Variants in CEP63 observed in about 807,000 individuals in gnomAD.
CEP63 encodes centrosomal protein of 63 kDa.
A neutral mutation model predicts 89.1 loss-of-function variants in CEP63; 84 were observed. The observed-to-expected ratio is 0.94, with a 90% CI of 0.79 to 1.13. The LOEUF (loss-of-function observed/expected upper bound fraction) is 1.13. Ranked by LOEUF, CEP63 falls within the 50% of genes most tolerant of loss-of-function variation. The pLI is 0.00. For synonymous variants in CEP63, 267 were observed against 272.5 expected (o/e 0.98, Z 0.20); for missense variants, 838 against 813.3 (o/e 1.03, Z -0.37).
the CEP63 span, among the ~76,000 whole-genome samples, chr3:134,694,807 T>C: frequency 6.6e-5 from 10 of 152,358 alleles, no homozygotes; most frequent in East Asian, 5.8e-4. Context: ...AACAAGTTTT[T>C]CTTTCTCAGC....
chr3:134,501,490 T>A (rs1407265208), intron 2 of CEP63, among the ~76,000 whole-genome samples: 1 of 152,238 alleles, frequency 6.6e-6, no homozygotes, highest in African/African-American at 2.4e-5. Flanking sequence ...TTTGTTTATG[T>A]CATCTGTGAT....
intron 9 of CEP63, among the ~76,000 whole-genome samples, chr3:134,547,888 C>T (rs1050168226): frequency 6.6e-6 from 1 of 152,080 alleles, no homozygotes; most frequent in Admixed American, 6.6e-5. Flanking sequence ...GGATTACAGG[C>T]ATGAGTCACC....
chr3:134,577,197 G>T (rs1958235440), downstream of CEP63, among the ~76,000 whole-genome samples: 2 of 152,040 alleles, frequency 1.3e-5, no homozygotes, highest in Admixed American at 1.3e-4. Flanking sequence ...CCAGAATGGG[G>T]CTGTTTTTGC....
the CEP63 span, among the ~76,000 whole-genome samples, chr3:134,731,383 A>G: frequency 4.4e-4 from 67 of 152,338 alleles, no homozygotes; most frequent in African/African-American, 1.6e-3. Context: ...GTCTCCATAC[A>G]TTTCAAAGAA....
the CEP63 span, among the ~76,000 whole-genome samples, chr3:134,707,589 T>C: frequency 2.0e-5 from 3 of 152,166 alleles, no homozygotes; most frequent in Admixed American, 1.3e-4. Flanking sequence ...TTCCCCCTGC[T>C]GTGAGAGAGT....
the CEP63 span, among the ~76,000 whole-genome samples, chr3:134,727,868 A>ATT: frequency 6.6e-6 from 1 of 152,036 alleles, no homozygotes; most frequent in Non-Finnish European, 1.5e-5. Context: ...TTGTTGTACT[A>ATT]TTTTTTCTAC....
In CEP63 at chr3:134,546,218, A is replaced by G; in HGVS notation, c.859A>G (p.Arg287Gly). Residue 287 changes from arginine (R) to glycine (G), a missense_variant, in exon 8 of 15, where the codon AGA (arginine) becomes GGA (glycine). Coordinates refer to ENST00000675561, the MANE Select transcript of CEP63 (RefSeq NM_001353108.3). ...QSQENLIHEA[R>G]IQKEKLQEKV... ...TCAAGAAAATCTCATACATGAGGCC[A>G]GAATACAAAAGGAGAAGTTACAAGA... 1 of 1,613,898 alleles carries G rather than the reference A, an allele frequency of 6.2e-7. No homozygotes were observed. Among genetic ancestry groups the G allele is most frequent in the East Asian group, 2.2e-5 (1 of 44,812 alleles).
intron 2 of CEP63, among the ~76,000 whole-genome samples, chr3:134,499,775 T>C (rs1026991604): frequency 1.3e-5 from 2 of 151,420 alleles, no homozygotes; most frequent in African/African-American, 4.8e-5. Context: ...CCCTCTGCCC[T>C]TGCCTTCTTT....
the CEP63 span, among the ~76,000 whole-genome samples, chr3:134,778,406 C>G: frequency 1.3e-5 from 2 of 149,558 alleles, no homozygotes; most frequent in East Asian, 3.9e-4. Flanking sequence ...CCACATCACT[C>G]TTTTTGACTG....
At chr3:134,501,479 ATTTG>A in intron 2 of CEP63, among the ~76,000 whole-genome samples, 1 of 152,030 alleles carries the variant, frequency 6.6e-6, no homozygotes, top group Non-Finnish European at 1.5e-5. Flanking sequence ...ATGTTTTTCT[ATTTG>A]TTTATGTCAT....
chr3:134,542,243 G>A (rs534139533), intron 6 of CEP63, among the ~76,000 whole-genome samples: 32 of 151,970 alleles, frequency 2.1e-4, no homozygotes, highest in Non-Finnish European at 3.7e-4. Flanking sequence ...ATATTTATAC[G>A]TATATATGTT....
chr3:134,616,044 G>A, the CEP63 span, among the ~76,000 whole-genome samples: 8 of 152,234 alleles, frequency 5.3e-5, no homozygotes, highest in African/African-American at 1.9e-4. Context: ...AACGGGAAGA[G>A]AATTTACTGG....
At chr3:134,615,226 C>G in the CEP63 span, 21 of 152,526 alleles carry the variant, frequency 1.4e-4, no homozygotes, top group Non-Finnish European at 2.8e-4. Flanking sequence ...CAGAGGCCTC[C>G]TCTCTGAAGG....
At chr3:134,500,504 TA>T in intron 2 of CEP63, among the ~76,000 whole-genome samples, 1 of 152,340 alleles carries the variant, frequency 6.6e-6, no homozygotes, top group East Asian at 1.9e-4. Context: ...TATTTTTAGT[TA>T]TTTGAGAAAT....
intron 14 of CEP63, among the ~76,000 whole-genome samples, chr3:134,560,781 G>A (rs1056323201): frequency 3.9e-5 from 6 of 152,092 alleles, no homozygotes; most frequent in African/African-American, 1.2e-4. Context: ...TTTTCCCTGG[G>A]CCAAAAATTC....
At chr3:134,643,475 CG>C in the CEP63 span, 1 of 1,014,408 alleles carries the variant, frequency 9.9e-7, no homozygotes, top group Non-Finnish European at 1.5e-6. Context: ...GGTGGGCTGG[CG>C]GGGGCCAAGC....
At chr3:134,663,482 A>G in the CEP63 span, among the ~76,000 whole-genome samples, 4 of 152,120 alleles carry the variant, frequency 2.6e-5, no homozygotes, top group Non-Finnish European at 5.9e-5. Context: ...GTCAGTGTTA[A>G]TTAGATATTC....
At chr3:134,497,688 A>C (rs1940609046) in intron 2 of CEP63, among the ~76,000 whole-genome samples, 1 of 151,928 alleles carries the variant, frequency 6.6e-6, no homozygotes. Context: ...TTCTTCTAGT[A>C]GTTTTATAGT....
chr3:134,551,725 A>G (rs948716498), intron 11 of CEP63, among the ~76,000 whole-genome samples: 9 of 1,476 alleles, frequency 6.1e-3, no homozygotes, highest in African/African-American at 8.7e-3. Flanking sequence ...TAGAAAGTCC[A>G]TATATATATA....
Sources: allele counts gnomAD v4.1 joint callset (sites outside exome capture counted in the v4.1 genomes callset), GRCh38; gene constraint gnomAD v4.1.1; transcripts MANE v1.5; gene names NCBI Gene and HGNC (gene_info 2026-07-23, HGNC 2026-07-21).